DCHS2: variants seen among roughly 807,000 people sequenced by gnomAD.
DCHS2 encodes the protein protocadherin-23.
DCHS2 carries 142 observed loss-of-function variants against 182.4 expected under a neutral mutation model. That is an observed-to-expected ratio of 0.78 (90% confidence interval 0.68 to 0.89). The LOEUF (loss-of-function observed/expected upper bound fraction) is 0.89. Among genes scored for constraint, DCHS2 ranks in the 40% least tolerant of loss-of-function variants. DCHS2 has a pLI of 0.00. For synonymous variants in DCHS2, 1,740 were observed against 1,663.3 expected (o/e 1.05, Z -1.12); for missense variants, 4,319 against 4,198.6 (o/e 1.03, Z -0.79).
At chr4:154,419,294 G>A (rs1379901536) in intron 1 of DCHS2, among the ~76,000 whole-genome samples, 4 of 152,262 alleles carry the variant, frequency 2.6e-5, no homozygotes, top group African/African-American at 7.2e-5. Flanking sequence ...TTATAAGCAG[G>A]TTTTTCACCT....
chr4:154,244,177 T>C (rs1731965710), intron 16 of DCHS2, among the ~76,000 whole-genome samples: 1 of 152,218 alleles, frequency 6.6e-6, no homozygotes, highest in African/African-American at 2.4e-5. Flanking sequence ...TGTCTGCCTC[T>C]TCTGTAAGTT....
At position 154,490,657 on chromosome 4, in the gene DCHS2, T is replaced by C; in HGVS notation, c.699A>G (p.Ser233=). Reference sequence around the variant, plus strand: ...GTGACGAGGAGCCTGGCAAAAGCGGTGACGGTAGTGGCCCCGGAGTCCGGT... The same window carrying C: ...GTGACGAGGAGCCTGGCAAAAGCGGCGACGGTAGTGGCCCCGGAGTCCGGT... ...LRYRTPGPLP[S]PLLPGSSSPL... The change falls in exon 1 of 20, where the codon TCA becomes TCG. Residue 233 remains serine (S), a synonymous_variant. Coordinates refer to ENST00000357232, the MANE Select transcript of DCHS2 (RefSeq NM_001358235.2). 1.3e-6 allele frequency: 2 copies of C among 1,551,300 alleles called. No individual in the cohort carries two copies. The highest frequency in any genetic ancestry group is 1.7e-6 in the Non-Finnish European group (2 of 1,146,892).
chr4:154,451,276 T>A (rs1734523038), intron 1 of DCHS2, among the ~76,000 whole-genome samples: 1 of 152,184 alleles, frequency 6.6e-6, no homozygotes, highest in Non-Finnish European at 1.5e-5. Context: ...GCCCTGCCAT[T>A]CTCTGCAGAC....
At chr4:154,474,613 A>G (rs1269930312) in intron 1 of DCHS2, among the ~76,000 whole-genome samples, 5 of 152,158 alleles carry the variant, frequency 3.3e-5, no homozygotes, top group Non-Finnish European at 7.4e-5. Context: ...GCACACACCA[A>G]TAAACTACGT....
chr4:154,303,387 AAC>A (rs1735295509), intron 12 of DCHS2, among the ~76,000 whole-genome samples: 1 of 152,044 alleles, frequency 6.6e-6, no homozygotes, highest in Non-Finnish European at 1.5e-5. Flanking sequence ...TATGCTGGGA[AAC>A]ACACCTTTGT....
chr4:154,427,166 G>T (rs546446781), intron 1 of DCHS2, among the ~76,000 whole-genome samples: 166 of 152,222 alleles, frequency 1.1e-3, no homozygotes, highest in African/African-American at 3.8e-3. Context: ...GTCAATTAAA[G>T]AAAAATAGCA....
At chr4:154,303,033 G>A (rs1444363331) in intron 12 of DCHS2, among the ~76,000 whole-genome samples, 1 of 147,620 alleles carries the variant, frequency 6.8e-6, no homozygotes, top group East Asian at 2.0e-4. Flanking sequence ...CCAGGAGGGA[G>A]TGCAATGGCA....
intron 7 of DCHS2, among the ~76,000 whole-genome samples, chr4:154,325,033 A>C (rs986695000): frequency 3.3e-5 from 5 of 152,150 alleles, no homozygotes; most frequent in Non-Finnish European, 7.4e-5. Context: ...TTATCATTTA[A>C]AAGCTAATTT....
intron 1 of DCHS2, among the ~76,000 whole-genome samples, chr4:154,462,513 C>G (rs1258922252): frequency 6.6e-6 from 1 of 152,156 alleles, no homozygotes; most frequent in Non-Finnish European, 1.5e-5. Flanking sequence ...AATGTTGACT[C>G]TATGCACATG....
intron 3 of DCHS2, among the ~76,000 whole-genome samples, chr4:154,356,225 TA>T (rs931746855): frequency 2.6e-4 from 40 of 151,650 alleles, no homozygotes; most frequent in African/African-American, 9.5e-4. Flanking sequence ...TTTAAAAAGT[TA>T]AAAAAAATTA....
At chr4:154,307,981 A>G (rs1735516575) in intron 10 of DCHS2, among the ~76,000 whole-genome samples, 1 of 152,028 alleles carries the variant, frequency 6.6e-6, no homozygotes. Context: ...CACTCTCAGA[A>G]TTTTCCTGTC....
intron 18 of DCHS2, 86 bp downstream of exon 18, chr4:154,240,446 CTGAAT>C: frequency 6.9e-7 from 1 of 1,451,500 alleles, no homozygotes; most frequent in South Asian, 1.4e-5. Context: ...TGCTGTCTAT[CTGAAT>C]TAGTCTATCG....
In DCHS2 at chr4:154,235,016, T is replaced by C. The variant is rs775039039; in HGVS notation, c.9636A>G (p.Glu3212=). 13 of 1,613,912 alleles carry C rather than the reference T, an allele frequency of 8.1e-6. No individual in the cohort carries two copies. In the South Asian group the frequency reaches 1.1e-4, roughly 14 times the overall value. Reference sequence around the variant, plus strand: ...GAGTTGAAAGAGCTGCACACCTTACTTCCTGATCACCTGAAATAAAGACAG... The same window carrying C: ...GAGTTGAAAGAGCTGCACACCTTACCTCCTGATCACCTGAAATAAAGACAG... ...KESVFISGDQ[E]VRCAALSTQT... Residue 3212 remains glutamate, a synonymous_variant, in exon 20 of 20, where the codon GAA becomes GAG. Transcript: ENST00000357232.
chr4:154,295,907 G>T (rs545464299), intron 13 of DCHS2, among the ~76,000 whole-genome samples: 2 of 152,046 alleles, frequency 1.3e-5, no homozygotes, highest in East Asian at 1.9e-4. Flanking sequence ...CTGGAAGAAG[G>T]GTTTTTCCTT....
At chr4:154,357,902 T>C (rs1015346723) in intron 3 of DCHS2, among the ~76,000 whole-genome samples, 1 of 152,186 alleles carries the variant, frequency 6.6e-6, no homozygotes, top group African/African-American at 2.4e-5. Flanking sequence ...CTTTATTCTG[T>C]CAGTCTTTCC....
In DCHS2 at chr4:154,255,563, T is replaced by C; in HGVS notation, c.6897A>G (p.Ile2299Met). Residue 2299 changes from isoleucine (I) to methionine (M), a missense_variant, in exon 16 of 20, where the codon ATA becomes ATG. Coordinates refer to ENST00000357232, the MANE Select transcript of DCHS2 (RefSeq NM_001358235.2). ...CGTAATCTAGAATCGCTTTTGTTGT[T>C]ATCACACCACTCAGTGCATCAATCT... ...AFQIDALSGV[I>M]TTKAILDYEL... is the part of the protein sequence containing the mutation. 1 of 1,613,970 alleles carries C rather than the reference T, an allele frequency of 6.2e-7. No homozygotes were observed. Among genetic ancestry groups the C allele is most frequent in the Non-Finnish European group, 8.5e-7 (1 of 1,179,912 alleles).
At chr4:154,239,327 G>C in intron 18 of DCHS2, 25 bp from the exon 19 acceptor site, 9 of 1,610,720 alleles carry the variant, frequency 5.6e-6, no homozygotes, top group Non-Finnish European at 7.6e-6. Context: ...GAAAAATAGG[G>C]ACATTGTGCT....
At chr4:154,475,204 T>C (rs1366430742) in intron 1 of DCHS2, among the ~76,000 whole-genome samples, 5 of 152,174 alleles carry the variant, frequency 3.3e-5, no homozygotes, top group African/African-American at 1.2e-4. Flanking sequence ...TAAACTTATA[T>C]ATTTACTCTA....
intron 1 of DCHS2, among the ~76,000 whole-genome samples, chr4:154,473,692 G>A (rs986882693): frequency 1.3e-5 from 2 of 152,162 alleles, no homozygotes; most frequent in Non-Finnish European, 2.9e-5. Flanking sequence ...AGGAGAAGCG[G>A]AAGATGATGA....
Sources: allele counts gnomAD v4.1 joint callset (sites outside exome capture counted in the v4.1 genomes callset), GRCh38; gene constraint gnomAD v4.1.1; transcripts MANE v1.5; gene names NCBI Gene and HGNC (gene_info 2026-07-23, HGNC 2026-07-21).